METTL15: variants seen among roughly 807,000 people sequenced by gnomAD.
The protein encoded by METTL15 is methyltransferase 15, mitochondrial 12S rRNA N4-cytidine, also known as 12S rRNA N(4)-cytidine methyltransferase METTL15.
A neutral mutation model predicts 38.3 loss-of-function variants in METTL15; 34 were observed. That is an observed-to-expected ratio of 0.89 (90% CI 0.68 to 1.18). The LOEUF (loss-of-function observed/expected upper bound fraction) is 1.18, where lower values mean the gene tolerates loss of function less well. Ranked by LOEUF, METTL15 falls within the 50% of genes most tolerant of loss-of-function variation. METTL15 has a pLI of 0.00. For synonymous variants in METTL15, 162 were observed against 170.9 expected (o/e 0.95, Z 0.41); for missense variants, 438 against 498.4 (o/e 0.88, Z 1.15).
chr11:28,278,247 A>G (rs1369536474), intron 4 of METTL15, among the ~76,000 whole-genome samples: 1 of 152,214 alleles, frequency 6.6e-6, no homozygotes, highest in African/African-American at 2.4e-5. Flanking sequence ...TTAAGCACAG[A>G]GGAAGTAGAC....
At chr11:28,246,620 A>G (rs533755171) in intron 4 of METTL15, among the ~76,000 whole-genome samples, 1 of 152,284 alleles carries the variant, frequency 6.6e-6, no homozygotes, top group Admixed American at 6.5e-5. Context: ...TAAATGATCA[A>G]TAGAATTGCA....
chr11:28,342,248 TTTTTTA>T (rs894496667), intron 3 of METTL15, among the ~76,000 whole-genome samples: 36 of 152,086 alleles, frequency 2.4e-4, no homozygotes, highest in Admixed American at 9.2e-4. Context: ...TCGATTCTAT[TTTTTTA>T]TTTTTATTTT....
At chr11:28,520,248 G>A (rs1851754103) in intron 6 of METTL15, among the ~76,000 whole-genome samples, 2 of 152,076 alleles carry the variant, frequency 1.3e-5, no homozygotes, top group African/African-American at 4.8e-5. Flanking sequence ...TGAGGTGGGA[G>A]GATCACCTGA....
At position 28,113,494 on chromosome 11, in the gene METTL15, G is replaced by A; in HGVS notation, c.160G>A (p.Ala54Thr). 1 of 1,612,962 alleles carries A rather than the reference G, an allele frequency of 6.2e-7. No homozygotes were observed. Among genetic ancestry groups the A allele is most frequent in the Non-Finnish European group, 8.5e-7 (1 of 1,179,850 alleles). ...CCGGGAGCAAACAGATCAAACTCAA[G>A]CCCAGGAGTTACACAGATCTCAAGA... ...EAREQTDQTQ[A>T]QELHRSQDRD... The change falls in exon 3 of 7, where the codon GCC (alanine) becomes ACC (threonine). Residue 54 changes from alanine to threonine, a missense_variant. Ala to Thr is a moderately conservative substitution (Grantham distance 58). Transcript: ENST00000407364.
chr11:28,462,240 G>A (rs2585810), intron 6 of METTL15, among the ~76,000 whole-genome samples: 61,563 of 151,764 alleles, frequency 0.41, 13,221 homozygotes, highest in African/African-American at 0.55. Context: ...ATGAAGAAAG[G>A]GTGTTATGGG....
chr11:28,209,411 A>G (rs1402227903), intron 3 of METTL15, among the ~76,000 whole-genome samples: 1 of 152,026 alleles, frequency 6.6e-6, no homozygotes, highest in African/African-American at 2.4e-5. Context: ...GATGTGTAAA[A>G]TAAGTGACTG....
intron 4 of METTL15, among the ~76,000 whole-genome samples, chr11:28,218,902 A>G (rs1263211917): frequency 2.6e-5 from 4 of 152,154 alleles, no homozygotes; most frequent in African/African-American, 9.7e-5. Flanking sequence ...CATCCCAGGG[A>G]TGAAGCCCAC....
chr11:28,225,541 G>GTT (rs768660542), intron 4 of METTL15, among the ~76,000 whole-genome samples: 1 of 145,438 alleles, frequency 6.9e-6, no homozygotes. Flanking sequence ...GGTCAACCCA[G>GTT]TTTTTTTTTT....
At chr11:28,112,759 G>A (rs1252080374) in intron 2 of METTL15, among the ~76,000 whole-genome samples, 1 of 152,114 alleles carries the variant, frequency 6.6e-6, no homozygotes, top group African/African-American at 2.4e-5. Flanking sequence ...CAGAGAATCG[G>A]ACTGATAGAC....
intron 5 of METTL15, among the ~76,000 whole-genome samples, chr11:28,370,565 T>C (rs879433859): frequency 6.6e-6 from 1 of 151,998 alleles, no homozygotes; most frequent in Non-Finnish European, 1.5e-5. Context: ...CTTTGAGATA[T>C]ATACCCAATA....
intron 6 of METTL15, among the ~76,000 whole-genome samples, chr11:28,431,318 G>T (rs912821079): frequency 7.1e-6 from 1 of 140,328 alleles, no homozygotes; most frequent in Admixed American, 7.2e-5. Flanking sequence ...GATGACAATG[G>T]CGGCTTTGTG....
chr11:28,458,356 A>C (rs1851187544), intron 6 of METTL15, among the ~76,000 whole-genome samples: 1 of 152,146 alleles, frequency 6.6e-6, no homozygotes, highest in African/African-American at 2.4e-5. Context: ...TATATAATTT[A>C]TATAATTATG....
intron 3 of METTL15, among the ~76,000 whole-genome samples, chr11:28,194,846 C>T (rs1851852092): frequency 6.6e-6 from 1 of 151,448 alleles, no homozygotes; most frequent in African/African-American, 2.4e-5. Flanking sequence ...CAACCCTCAC[C>T]CGCCTCCTAA....
intron 6 of METTL15, among the ~76,000 whole-genome samples, chr11:28,446,360 C>G (rs1157164076): frequency 1.3e-5 from 2 of 152,116 alleles, no homozygotes; most frequent in African/African-American, 2.4e-5. Context: ...CACACTGGTG[C>G]TCTCGCCTTT....
intron 6 of METTL15, among the ~76,000 whole-genome samples, chr11:28,440,583 A>G (rs1273000254): frequency 1.3e-5 from 2 of 152,208 alleles, no homozygotes; most frequent in African/African-American, 4.8e-5. Context: ...TTTTAAATTT[A>G]TAAAATGGGA....
At chr11:28,361,422 C>T (rs865843512) in intron 4 of METTL15, among the ~76,000 whole-genome samples, 1 of 152,108 alleles carries the variant, frequency 6.6e-6, no homozygotes, top group South Asian at 2.1e-4. Context: ...GAAAATATCG[C>T]CAAACTGTCA....
intron 6 of METTL15, among the ~76,000 whole-genome samples, chr11:28,315,463 G>GT (rs1488243482): frequency 6.6e-6 from 1 of 152,204 alleles, no homozygotes; most frequent in African/African-American, 2.4e-5. Context: ...CTTGGGTGCT[G>GT]TTAAAGGCAT....
intron 6 of METTL15, among the ~76,000 whole-genome samples, chr11:28,309,574 A>G (rs1857203585): frequency 6.6e-6 from 1 of 152,102 alleles, no homozygotes; most frequent in Admixed American, 6.5e-5. Flanking sequence ...CCAGATTTTT[A>G]TCACCATCCT....
chr11:28,435,737 G>A (rs34247040), intron 6 of METTL15, among the ~76,000 whole-genome samples: 12,873 of 152,222 alleles, frequency 0.085, 762 homozygotes, highest in Non-Finnish European at 0.13. Flanking sequence ...TCTACTTCAT[G>A]ATATAAAAGT....
Sources: gnomAD v4.1 joint callset for allele counts (sites outside exome capture counted in the v4.1 genomes callset) on GRCh38, gnomAD v4.1.1 for gene constraint, MANE v1.5 for transcripts, NCBI Gene and HGNC (gene_info 2026-07-23, HGNC 2026-07-21) for gene names.